The following TOP1 variants were observed in gnomAD, a reference collection of about 807,000 sequenced individuals.
TOP1 encodes the protein DNA topoisomerase 1.
In TOP1, 10 loss-of-function variants were observed where a neutral mutation model predicts 111.1. That is an observed-to-expected ratio of 0.09 (90% CI 0.06 to 0.15). The LOEUF is 0.15. Among genes scored for constraint, TOP1 ranks in the 10% least tolerant of loss-of-function variants. TOP1 has a pLI of 1.00. For missense variants in TOP1, 474 were observed against 926.7 expected (o/e 0.51, Z 6.34); for synonymous variants, 271 against 302.9 (o/e 0.89, Z 1.10).
intron 2 of TOP1, among the ~76,000 whole-genome samples, chr20:41,044,726 G>C (rs1326833493): frequency 7.9e-5 from 12 of 152,178 alleles, no homozygotes; most frequent in Non-Finnish European, 1.3e-4. Context: ...TGATGGAAAT[G>C]TCCTATATTT....
intron 2 of TOP1, among the ~76,000 whole-genome samples, chr20:41,041,437 C>CA (rs780663951): frequency 0.075 from 6,678 of 88,900 alleles, 364 homozygotes; most frequent in African/African-American, 0.13. Flanking sequence ...GACCCTGTCT[C>CA]AAAAAAAAAA....
rs1420579377 is a variant in TOP1 at position 41,098,087 on chromosome 20, T to G, written c.853-128T>G. 3.4e-6 allele frequency: 3 copies of G among 893,064 alleles called. No homozygotes were observed. Among genetic ancestry groups the G allele is most frequent in the Non-Finnish European group, 5.3e-6 (3 of 567,162 alleles). 55.3% of individuals were successfully genotyped at this position (893,064 alleles called of 1,614,324 possible). ...TTTTGTTTTTTCAAAATTCATTAAT[T>G]GAGATTGGCTACTTCCAGAAACCTT... On this transcript the variant is annotated intron_variant, in intron 10 of 20. Coordinates refer to ENST00000361337, the MANE Select transcript of TOP1 (RefSeq NM_003286.4). This position sits in a 1 kb window ranked among gnomAD's most constrained non-coding sequence, Gnocchi z 5.7.
intron 13 of TOP1, among the ~76,000 whole-genome samples, chr20:41,111,157 G>A (rs1425259160): frequency 6.6e-6 from 1 of 152,218 alleles, no homozygotes; most frequent in Non-Finnish European, 1.5e-5. Flanking sequence ...GTGCACTAGA[G>A]TGAGGGGAAA....
In TOP1 at chr20:41,067,321, A is replaced by G. The variant is rs973498920; in HGVS notation, c.155+5831A>G. On this transcript the variant is annotated intron_variant, in intron 3 of 20. Transcript: ENST00000361337. This position sits in a 1 kb window ranked among gnomAD's most constrained non-coding sequence, Gnocchi z 4.0. ...TTTTTGGTAGAGACGAGGTTTCACC[A>G]TATTGGCCAGGCTGGTCTCGAACTC... Among the ~76,000 whole-genome samples the G allele has an allele frequency of 2.0e-5, 3 of 151,516 alleles. No individual in the cohort carries two copies. The highest frequency in any genetic ancestry group is 6.6e-5 in the Admixed American group (1 of 15,222).
rs2034337396 is a variant in TOP1, at chr20:41,116,788, T to TC, written c.1822+397dup. Among the ~76,000 whole-genome samples, 1 of 152,198 alleles carries TC rather than the reference T, an allele frequency of 6.6e-6. No individual in the cohort carries two copies. On this transcript the variant is annotated intron_variant, in intron 17 of 20. Transcript: ENST00000361337. This position sits in a 1 kb window ranked among gnomAD's most constrained non-coding sequence, Gnocchi z 5.6. ...ACAAGTCCTTTCCTTGAGGTTTCTGTCATTTTTTTCCCATAAGAGAGTAGA... is the reference window on the plus strand; with the variant it reads ...ACAAGTCCTTTCCTTGAGGTTTCTGTCCATTTTTTTCCCATAAGAGAGTAGA...
chr20:41,036,207 C>G (rs960029620), intron 2 of TOP1, among the ~76,000 whole-genome samples: 3 of 152,156 alleles, frequency 2.0e-5, no homozygotes, highest in Non-Finnish European at 4.4e-5. Flanking sequence ...AAACCCCACT[C>G]AGGCTGTAAT....
intron 2 of TOP1, among the ~76,000 whole-genome samples, chr20:41,041,899 T>C (rs1374372370): frequency 6.6e-6 from 1 of 151,328 alleles, no homozygotes; most frequent in Non-Finnish European, 1.5e-5. Context: ...ATGATGATGA[T>C]GATGATGATT....
chr20:41,033,015 C>T (rs929750308), intron 2 of TOP1, among the ~76,000 whole-genome samples: 3 of 152,176 alleles, frequency 2.0e-5, no homozygotes, highest in East Asian at 3.8e-4. Flanking sequence ...CTCCTTGAGG[C>T]ACCTTTTTAG....
chr20:41,060,124 A>T (rs1488494256), intron 2 of TOP1, among the ~76,000 whole-genome samples: 1 of 152,262 alleles, frequency 6.6e-6, no homozygotes, highest in East Asian at 1.9e-4. Context: ...AAAGTTAAAC[A>T]TACATTTTTT....
In TOP1 at chr20:41,083,270, A is replaced by G. The variant is rs1454102114; in HGVS notation, c.508-1192A>G. Reference sequence around the variant, plus strand: ...GTGTGTTTCACCCTAAATAGTAAACATTATCTGAATTAATGTGATCCTGTA... The same window carrying G: ...GTGTGTTTCACCCTAAATAGTAAACGTTATCTGAATTAATGTGATCCTGTA... On this transcript the variant is annotated intron_variant, in intron 7 of 20. Coordinates refer to ENST00000361337, the MANE Select transcript of TOP1 (RefSeq NM_003286.4). This position sits in a 1 kb window ranked among gnomAD's most constrained non-coding sequence, Gnocchi z 7.2. Among the ~76,000 whole-genome samples the G allele has an allele frequency of 6.6e-6, 1 of 152,120 alleles. No homozygotes were observed. The highest frequency in any genetic ancestry group is 1.5e-5 in the Non-Finnish European group (1 of 68,016).
At chr20:41,068,902 C>T (rs145907817) in intron 3 of TOP1, among the ~76,000 whole-genome samples, 30 of 152,226 alleles carry the variant, frequency 2.0e-4, no homozygotes, top group African/African-American at 6.0e-4. Context: ...ATAAGAGAAT[C>T]GTGTGAAATG....
rs1168919345 is a variant in TOP1, at chr20:41,067,043, TA to T, written c.155+5554del. ...GATCTGTTGTAAGCAAACTTTTAAGTACTTCTTGTTTTGATGTCTACTGACA... is the reference window on the plus strand; with the variant it reads ...GATCTGTTGTAAGCAAACTTTTAAGTCTTCTTGTTTTGATGTCTACTGACA... On this transcript the variant is annotated intron_variant, in intron 3 of 20. Transcript: ENST00000361337. The surrounding 1 kb of genome is among the most constrained non-coding windows in gnomAD (Gnocchi z 4.0). 1.3e-5 allele frequency among the ~76,000 whole-genome samples: 2 copies of T among 152,220 alleles called. No homozygotes were observed. The highest frequency in any genetic ancestry group is 4.8e-5 in the African/African-American group (2 of 41,452).
intron 2 of TOP1, among the ~76,000 whole-genome samples, chr20:41,033,144 A>G (rs2033141390): frequency 6.6e-6 from 1 of 152,160 alleles, no homozygotes; most frequent in South Asian, 2.1e-4. Flanking sequence ...TTAGGCTCGG[A>G]TTGGATGTTT....
At chr20:41,086,892 G>C (rs1037022366) in intron 8 of TOP1, among the ~76,000 whole-genome samples, 2 of 152,140 alleles carry the variant, frequency 1.3e-5, no homozygotes, top group Non-Finnish European at 2.9e-5. Flanking sequence ...TTGAAAATAT[G>C]AATGAAGAGC....
At chr20:41,052,943 T>A (rs971980281) in intron 2 of TOP1, among the ~76,000 whole-genome samples, 3 of 152,122 alleles carry the variant, frequency 2.0e-5, no homozygotes, top group African/African-American at 7.2e-5. Flanking sequence ...GGAGCTGAGA[T>A]TGCACCACTG....
At chr20:41,088,848 T>TA (rs1302839179) in intron 8 of TOP1, among the ~76,000 whole-genome samples, 1 of 152,096 alleles carries the variant, frequency 6.6e-6, no homozygotes, top group African/African-American at 2.4e-5. Context: ...TTAAATTGTG[T>TA]AAAATACATA....
In TOP1 at chr20:41,029,503, G is replaced by T. The variant is rs1251685565; in HGVS notation, c.58+48G>T. ...CTCCGGGGCCCCCCAGCCGCCGGCC[G>T]CCTCCCCCGCGCCCTGCCGGTGCCG... On this transcript the variant is annotated intron_variant, in intron 2 of 20. Coordinates refer to ENST00000361337, the MANE Select transcript of TOP1 (RefSeq NM_003286.4). This position sits in a 1 kb window ranked among gnomAD's most constrained non-coding sequence, Gnocchi z 6.1. 3 of 1,484,166 alleles carry T rather than the reference G, an allele frequency of 2.0e-6. No individual in the cohort carries two copies. In the Admixed American group the frequency reaches 6.0e-5, roughly 30 times the overall value. 91.9% of individuals were successfully genotyped at this position (1,484,166 alleles called of 1,614,324 possible).
intron 2 of TOP1, among the ~76,000 whole-genome samples, chr20:41,053,010 T>A (rs1052648815): frequency 2.0e-5 from 3 of 152,040 alleles, no homozygotes; most frequent in Admixed American, 2.0e-4. Flanking sequence ...AAAAAAAAAC[T>A]CTGTTTTGGA....
intron 2 of TOP1, among the ~76,000 whole-genome samples, chr20:41,036,114 A>G (rs2033181655): frequency 6.6e-6 from 1 of 152,240 alleles, no homozygotes; most frequent in Non-Finnish European, 1.5e-5. Flanking sequence ...AGAGACCAGG[A>G]AAGGAAACGT....
Sources: allele counts gnomAD v4.1 joint callset (sites outside exome capture counted in the v4.1 genomes callset), GRCh38; gene constraint gnomAD v4.1.1; non-coding constraint Gnocchi (gnomAD v3.1); transcripts MANE v1.5; gene names NCBI Gene and HGNC (gene_info 2026-07-23, HGNC 2026-07-21).